Variants in GPRC5B observed in about 807,000 individuals in gnomAD.
GPRC5B encodes the protein G protein-coupled receptor class C group 5 member B, also known as G protein-coupled receptor family C group 5 member B.
GPRC5B carries 16 observed loss-of-function variants against 30.1 expected under a neutral mutation model. That is an observed-to-expected ratio of 0.53 (90% CI 0.36 to 0.81). The LOEUF (loss-of-function observed/expected upper bound fraction) is 0.81. Among genes scored for constraint, GPRC5B ranks in the 30% least tolerant of loss-of-function variants. The pLI, the probability that GPRC5B is intolerant of heterozygous loss-of-function variation, is 0.01. For synonymous variants in GPRC5B, 241 were observed against 239.5 expected (o/e 1.01, Z -0.06); for missense variants, 428 against 544.7 (o/e 0.79, Z 2.13).
intron 2 of GPRC5B, among the ~76,000 whole-genome samples, chr16:19,869,185 C>T (rs1250443397): frequency 9.9e-5 from 15 of 151,684 alleles, no homozygotes; most frequent in Non-Finnish European, 1.8e-4. Flanking sequence ...AAAAATTAGC[C>T]AGGCGTGATG....
intron 1 of GPRC5B, among the ~76,000 whole-genome samples, chr16:19,883,946 A>T (rs1017565663): frequency 6.6e-5 from 10 of 151,924 alleles, no homozygotes; most frequent in African/African-American, 2.2e-4. Context: ...GGACCCCGGG[A>T]TGTGTGGGGT....
At chr16:19,865,657 A>C (rs1357805076) in intron 2 of GPRC5B, among the ~76,000 whole-genome samples, 1 of 152,186 alleles carries the variant, frequency 6.6e-6, no homozygotes, top group African/African-American at 2.4e-5. Context: ...AATTGATCAA[A>C]AGCCTGAAGA....
At chr16:19,866,903 G>A (rs1044788204) in intron 2 of GPRC5B, among the ~76,000 whole-genome samples, 4 of 152,130 alleles carry the variant, frequency 2.6e-5, no homozygotes, top group African/African-American at 4.8e-5. Flanking sequence ...CATCATCCCC[G>A]CGCCAGCCCC....
chr16:19,884,880 C>A (rs867617674), upstream of GPRC5B: 8 of 980,466 alleles, frequency 8.2e-6, no homozygotes, highest in Middle Eastern at 5.2e-4. Flanking sequence ...GCGAGGCGCC[C>A]CCTGGCCCGG....
intron 1 of GPRC5B, chr16:19,880,984 G>A (rs1634673): frequency 0.47 from 71,134 of 151,950 alleles, 17,574 homozygotes; most frequent in African/African-American, 0.63. Context: ...TCTAAAGATG[G>A]CGGTAGGCAC....
chr16:19,884,088 C>G (rs1042199884), intron 1 of GPRC5B, among the ~76,000 whole-genome samples: 1 of 148,168 alleles, frequency 6.7e-6, no homozygotes, highest in Non-Finnish European at 1.5e-5. Flanking sequence ...CCACTGCCCC[C>G]CCCGCCATTG....
chr16:19,860,335 G>C lies in GPRC5B; in HGVS notation c.*165C>G. On this transcript the variant is annotated 3_prime_UTR_variant, in exon 4 of 4. Transcript: ENST00000300571. ...GCAGTCGGTGTTAGCTTTTCAGTTC[G>C]TCAGTGTTCACATTTACACGAAATC... 1 of 598,190 alleles carries C rather than the reference G, an allele frequency of 1.7e-6. No homozygotes were observed. Among genetic ancestry groups the C allele is most frequent in the East Asian group, 2.8e-5 (1 of 35,130 alleles). The allele number at this position is 598,190 out of a possible 1,614,324, so 37.1% of individuals were successfully genotyped here. A position where few individuals can be genotyped will look rare whatever the true frequency, so the allele number is the denominator to read the frequency against.
upstream of GPRC5B, chr16:19,884,893 C>G (rs549506014): frequency 4.0e-5 from 39 of 977,806 alleles, no homozygotes; most frequent in Admixed American, 1.3e-4. Context: ...TGGCCCGGCC[C>G]GCGCTGCTGC....
chr16:19,879,023 C>G (rs1427717113), intron 1 of GPRC5B, among the ~76,000 whole-genome samples: 1 of 152,118 alleles, frequency 6.6e-6, no homozygotes, highest in East Asian at 1.9e-4. Context: ...AACTCAGAGC[C>G]CTAGCTCCTT....
At position 19,872,951 on chromosome 16, in the gene GPRC5B, T is replaced by A. The variant is rs2056734915; in HGVS notation, c.-1-105A>T. The A allele has an allele frequency of 2.5e-6, 2 of 810,840 alleles. No individual in the cohort carries two copies. The highest frequency in any genetic ancestry group is 4.6e-5 in the Admixed American group (2 of 43,542). The allele number at this position is 810,840 out of a possible 1,614,324, so 50.2% of individuals were successfully genotyped here. A position where few individuals can be genotyped will look rare whatever the true frequency, so the allele number is the denominator to read the frequency against. On this transcript the variant is annotated intron_variant, in intron 1 of 3. Transcript: ENST00000300571. This position sits in a 1 kb window ranked among gnomAD's most constrained non-coding sequence, Gnocchi z 5.0. ...AAGAAGACTCGCCTCATTTCAAACC[T>A]GCAAGCGCACACGGCACCTTTGCAC...
chr16:19,875,003 G>C (rs1410218894), intron 1 of GPRC5B, among the ~76,000 whole-genome samples: 3 of 152,078 alleles, frequency 2.0e-5, no homozygotes, highest in Non-Finnish European at 4.4e-5. Flanking sequence ...CACGTGTGGG[G>C]TTGTGACCAG....
chr16:19,872,979 A>C lies in GPRC5B; in HGVS notation c.-1-133T>G. On this transcript the variant is annotated intron_variant, in intron 1 of 3. Coordinates refer to ENST00000300571, the MANE Select transcript of GPRC5B (RefSeq NM_016235.3). The surrounding 1 kb of genome is among the most constrained non-coding windows in gnomAD (Gnocchi z 5.0). ...AAGCGCACACGGCACCTTTGCACAC[A>C]TAGGAAAACGTGCTCCTTTCCTCAG... 1.5e-6 allele frequency: 1 copy of C among 651,622 alleles called. No homozygotes were observed. The highest frequency in any genetic ancestry group is 2.7e-6 in the Non-Finnish European group (1 of 377,324). 40.4% of individuals were successfully genotyped at this position (651,622 alleles called of 1,614,324 possible). A position where few individuals can be genotyped will look rare whatever the true frequency, so the allele number is the denominator to read the frequency against.
chr16:19,865,806 G>A (rs990808615), intron 2 of GPRC5B, among the ~76,000 whole-genome samples: 1 of 152,212 alleles, frequency 6.6e-6, no homozygotes, highest in African/African-American at 2.4e-5. Context: ...AAGCAAGCAC[G>A]CTGAAGAACG....
chr16:19,874,701 T>C (rs972620808), intron 1 of GPRC5B: 5 of 152,260 alleles, frequency 3.3e-5, no homozygotes, highest in African/African-American at 1.2e-4. Context: ...CTCTAGACAG[T>C]GCTAGATGTC....
intron 3 of GPRC5B, 97 bp from the exon 4 acceptor site, chr16:19,860,641 C>T: frequency 6.5e-6 from 5 of 767,858 alleles, no homozygotes; most frequent in Non-Finnish European, 1.1e-5. Flanking sequence ...AAATAAGTTA[C>T]CTTGCTTTTA....
At chr16:19,864,912 T>A (rs978830289) in intron 2 of GPRC5B, among the ~76,000 whole-genome samples, 1 of 56,122 alleles carries the variant, frequency 1.8e-5, no homozygotes, top group Admixed American at 1.6e-4. Flanking sequence ...CCCGGTCTCA[T>A]TTTTTTTTTT....
chr16:19,872,356 C>T lies in GPRC5B; in HGVS notation c.490G>A (p.Gly164Ser). The T allele has an allele frequency of 2.5e-6, 4 of 1,613,740 alleles. No individual in the cohort carries two copies. The highest frequency in any genetic ancestry group is 3.4e-6 in the Non-Finnish European group (4 of 1,179,868). Residue 164 changes from glycine (G) to serine (S), a missense_variant, in exon 2 of 4, where the codon GGC (glycine) becomes AGC (serine). Physicochemically the swap from Gly to Ser is moderately conservative, Grantham distance 56. This residue lies in a region of GPRC5B where 196 missense variants were observed against 272.6 expected (regional missense o/e 0.72). Transcript: ENST00000300571. The surrounding 1 kb of genome is among the most constrained non-coding windows in gnomAD (Gnocchi z 5.0). Reference sequence around the variant, plus strand: ...ACCAGCATCAGGCACAGCGCCAGGCCCACCAGCTGCCAGCCCGCGGGGCCC... The same window carrying T: ...ACCAGCATCAGGCACAGCGCCAGGCTCACCAGCTGCCAGCCCGCGGGGCCC... ...GTGPAGWQLVGLALCLMLVQV... is the reference protein window; with the variant it reads ...GTGPAGWQLVSLALCLMLVQV...
intron 2 of GPRC5B, among the ~76,000 whole-genome samples, chr16:19,864,628 G>A (rs1274271695): frequency 6.6e-6 from 1 of 152,258 alleles, no homozygotes; most frequent in Non-Finnish European, 1.5e-5. Context: ...AAGGAAGAGA[G>A]CCCAAAAGGC....
Position 19,872,677 on chromosome 16 carries a change from TGCCCCAGATGGC to T in GPRC5B, c.157_168del (p.Ala53_Gly56del), listed in dbSNP as rs765042178. Reference sequence around the variant, plus strand: ...GCCCCGGCCACCGCCTCCACCACAATGCCCCAGATGGCGTCCAGGTCGCACAGGGACACGTAC... The same window carrying T: ...GCCCCGGCCACCGCCTCCACCACAATGTCCAGGTCGCACAGGGACACGTAC... On this transcript the variant is annotated inframe_deletion, in exon 2 of 4. Coordinates refer to ENST00000300571, the MANE Select transcript of GPRC5B (RefSeq NM_016235.3). This position sits in a 1 kb window ranked among gnomAD's most constrained non-coding sequence, Gnocchi z 5.0. 4 of 1,613,932 alleles carry T rather than the reference TGCCCCAGATGGC, an allele frequency of 2.5e-6. No homozygotes were observed.
Sources: gnomAD v4.1 joint callset for allele counts (sites outside exome capture counted in the v4.1 genomes callset) on GRCh38, gnomAD v4.1.1 for gene constraint, gnomAD v4.1.1 regional missense constraint, Gnocchi (gnomAD v3.1) non-coding constraint, MANE v1.5 for transcripts, NCBI Gene and HGNC (gene_info 2026-07-23, HGNC 2026-07-21) for gene names.